The following ADGRD1 variants were observed in gnomAD, a reference collection of about 807,000 sequenced individuals.
ADGRD1 encodes G-protein coupled receptor 133.
Under a neutral mutation model 113.4 loss-of-function variants are expected in ADGRD1, and 77 were observed. The ratio of observed to expected loss-of-function variants is 0.68; its 90% CI spans 0.57 to 0.82. The LOEUF (loss-of-function observed/expected upper bound fraction) is 0.82, where lower values mean the gene tolerates loss of function less well. Ranked by LOEUF, ADGRD1 falls within the 40% of genes least tolerant of loss-of-function variation. ADGRD1 has a pLI of 0.00. For synonymous variants in ADGRD1, 474 were observed against 475.0 expected (o/e 1.00, Z 0.03); for missense variants, 1,036 against 1,139.1 (o/e 0.91, Z 1.30).
chr12:131,116,779 A>G (rs1022069268), intron 18 of ADGRD1, among the ~76,000 whole-genome samples: 1 of 152,198 alleles, frequency 6.6e-6, no homozygotes, highest in Non-Finnish European at 1.5e-5. Flanking sequence ...GCAGTCTCTC[A>G]TCTCTCTCCC....
intron 20 of ADGRD1, 68 bp downstream of exon 20, chr12:131,120,981 C>A: frequency 7.0e-7 from 1 of 1,430,704 alleles, no homozygotes; most frequent in Non-Finnish European, 9.7e-7. Flanking sequence ...GTGTGGGGCT[C>A]TGGAGATGGC....
chr12:131,095,770 G>A (rs920959706), intron 15 of ADGRD1, among the ~76,000 whole-genome samples: 3 of 152,210 alleles, frequency 2.0e-5, no homozygotes, highest in Non-Finnish European at 4.4e-5. Context: ...TGAATCTTGG[G>A]AATTAGAGTG....
intron 20 of ADGRD1, among the ~76,000 whole-genome samples, chr12:131,124,682 G>C (rs1049894385): frequency 6.7e-5 from 7 of 105,140 alleles, no homozygotes; most frequent in Non-Finnish European, 1.5e-4. Flanking sequence ...GCCCCTTCTC[G>C]AATTGTTCTC....
rs1321630596 is a variant in ADGRD1, at chr12:131,078,198, G to A, written c.1547+1324G>A. On this transcript the variant is annotated intron_variant, in intron 14 of 24. Coordinates refer to ENST00000261654, the MANE Select transcript of ADGRD1 (RefSeq NM_198827.5). ...CCAGAGGGCCAGGAGATTGCAAGAC[G>A]CTGAGCTGGGGGTGCAGCAGCAGGT... 4.6e-5 allele frequency among the ~76,000 whole-genome samples: 7 copies of A among 152,242 alleles called. No homozygotes were observed. The East Asian group carries it at 5.8e-4, about 13-fold the overall frequency.
At chr12:131,051,809 C>A (rs1181552339) in intron 13 of ADGRD1, among the ~76,000 whole-genome samples, 1 of 152,184 alleles carries the variant, frequency 6.6e-6, no homozygotes, top group East Asian at 1.9e-4. Context: ...CTAACACTTT[C>A]TTAGCATTTC....
chr12:131,128,611 A>C (rs940724039), intron 20 of ADGRD1, among the ~76,000 whole-genome samples: 6 of 152,210 alleles, frequency 3.9e-5, no homozygotes, highest in Non-Finnish European at 8.8e-5. Flanking sequence ...GTGTCTGCCT[A>C]TGTATGTTTT....
At chr12:130,991,839 A>T (rs1874425852) in intron 7 of ADGRD1, among the ~76,000 whole-genome samples, 1 of 152,148 alleles carries the variant, frequency 6.6e-6, no homozygotes, top group Non-Finnish European at 1.5e-5. Flanking sequence ...AAAAAAGAGC[A>T]GCCAGGCACA....
intron 4 of ADGRD1, among the ~76,000 whole-genome samples, chr12:130,973,796 C>T (rs1871970622): frequency 5.4e-5 from 1 of 18,394 alleles, no homozygotes; most frequent in South Asian, 0.042. Context: ...AGAGCATGGC[C>T]AGATATAAAC....
chr12:131,071,988 G>A (rs943080768), intron 13 of ADGRD1, among the ~76,000 whole-genome samples: 2 of 150,794 alleles, frequency 1.3e-5, no homozygotes, highest in Middle Eastern at 3.4e-3. Flanking sequence ...TACCTGGGGC[G>A]AGGGGGTGAT....
At chr12:131,001,955 T>C (rs1876442076) in intron 9 of ADGRD1, among the ~76,000 whole-genome samples, 2 of 152,240 alleles carry the variant, frequency 1.3e-5, no homozygotes, top group Non-Finnish European at 2.9e-5. Context: ...TGATAAACTT[T>C]TGTTTGAATA....
rs192765948 is a variant in ADGRD1 at position 130,997,957 on chromosome 12, C to T, written c.967-2426C>T. Among the ~76,000 whole-genome samples, 9 of 152,288 alleles carry T rather than the reference C, an allele frequency of 5.9e-5. No individual in the cohort carries two copies. In the East Asian group the frequency reaches 1.5e-3, roughly 26 times the overall value. The stretch of plus-strand genomic sequence containing the variant: ...CAGACACCGTCTGCAATCCCCGCAC[C>T]TCCGGAGGCTGAGGCTGGCGGATCA... On this transcript the variant is annotated intron_variant, in intron 8 of 24. Coordinates refer to ENST00000261654, the MANE Select transcript of ADGRD1 (RefSeq NM_198827.5).
chr12:131,114,266 T>C (rs1950412134), intron 18 of ADGRD1, among the ~76,000 whole-genome samples: 1 of 152,204 alleles, frequency 6.6e-6, no homozygotes, highest in African/African-American at 2.4e-5. Context: ...TGAGGGATTT[T>C]ACACAAGATT....
At chr12:130,993,241 G>T (rs543637198) in intron 8 of ADGRD1, among the ~76,000 whole-genome samples, 63 of 152,088 alleles carry the variant, frequency 4.1e-4, no homozygotes, top group African/African-American at 1.5e-3. Context: ...AATTCTTACT[G>T]ATTTCCTTGC....
intron 8 of ADGRD1, chr12:130,993,878 A>C (rs1303434324): frequency 1.3e-5 from 2 of 154,888 alleles, no homozygotes; most frequent in Non-Finnish European, 1.4e-5. Context: ...TTTCTCGCCC[A>C]GCTGCAGGCC....
rs114526715 is a variant in ADGRD1 at position 131,037,901 on chromosome 12, C to T, written c.1473+23561C>T. 9.2e-3 allele frequency among the ~76,000 whole-genome samples: 1,305 copies of T among 142,118 alleles called. 21 individuals carry two copies. The highest frequency in any genetic ancestry group is 0.033 in the African/African-American group (1,249 of 37,742). The allele number at this position is 142,118 out of a possible 152,430, so 93.2% of individuals were successfully genotyped here. A position where few individuals can be genotyped will look rare whatever the true frequency, so the allele number is the denominator to read the frequency against. On this transcript the variant is annotated intron_variant, in intron 13 of 24. Transcript: ENST00000261654. ...ACTCACCGCACTGAGCCTCACTCAC[C>T]ACACCGGGTCTCACTGCACCAGGAT...
chr12:130,999,799 T>G (rs1876110244), intron 8 of ADGRD1, among the ~76,000 whole-genome samples: 1 of 152,170 alleles, frequency 6.6e-6, no homozygotes, highest in African/African-American at 2.4e-5. Context: ...AGAGTCTGCT[T>G]TTTTAAAACG....
intron 13 of ADGRD1, chr12:131,026,553 T>A (rs569332729): frequency 6.6e-6 from 1 of 152,476 alleles, no homozygotes; most frequent in East Asian, 1.9e-4. Flanking sequence ...TAGAGTGGAA[T>A]CCAGACTTTG....
At chr12:131,015,945 T>C (rs1366854414) in intron 13 of ADGRD1, among the ~76,000 whole-genome samples, 4 of 152,238 alleles carry the variant, frequency 2.6e-5, no homozygotes, top group Middle Eastern at 3.2e-3. Flanking sequence ...ATTTACACTC[T>C]GGGCCTGTCG....
intron 13 of ADGRD1, among the ~76,000 whole-genome samples, chr12:131,045,896 G>A (rs1882653490): frequency 6.6e-6 from 1 of 151,566 alleles, no homozygotes; most frequent in Non-Finnish European, 1.5e-5. Context: ...TTCCTGGTCA[G>A]TGCTCCCTGC....
Sources: gnomAD v4.1 joint callset for allele counts (sites outside exome capture counted in the v4.1 genomes callset) on GRCh38, gnomAD v4.1.1 for gene constraint, MANE v1.5 for transcripts, NCBI Gene and HGNC (gene_info 2026-07-23, HGNC 2026-07-21) for gene names.